The following CATSPERB variants were observed in gnomAD, a reference collection of about 807,000 sequenced individuals.
The protein encoded by CATSPERB is cation channel sperm-associated auxiliary subunit beta.
Under a neutral mutation model 128.3 loss-of-function variants are expected in CATSPERB, and 93 were observed. The observed-to-expected ratio is 0.72, with a 90% CI of 0.61 to 0.86. The LOEUF is 0.86. CATSPERB is among the 40% of genes least tolerant of loss of function. CATSPERB has a pLI of 0.00. For missense variants in CATSPERB, 1,153 were observed against 1,329.5 expected, an observed-to-expected ratio of 0.87 and a Z score of 2.06; for synonymous variants, 381 against 448.8, an observed-to-expected ratio of 0.85 and a Z score of 1.91.
intron 20 of CATSPERB, among the ~76,000 whole-genome samples, chr14:91,614,049 G>C (rs1362348773): frequency 6.6e-6 from 1 of 152,126 alleles, no homozygotes; most frequent in Non-Finnish European, 1.5e-5. Flanking sequence ...GTGTATTGTT[G>C]CTTTAAATAA....
At chr14:91,729,309 ACT>A in intron 2 of CATSPERB, 90 bp downstream of exon 2, 1 of 519,758 alleles carries the variant, frequency 1.9e-6, no homozygotes, top group East Asian at 3.3e-5. Flanking sequence ...AAGAAGAAAT[ACT>A]AAAAGAAAAA....
At chr14:91,641,503 A>C (rs919865789) in intron 15 of CATSPERB, among the ~76,000 whole-genome samples, 77 of 152,188 alleles carry the variant, frequency 5.1e-4, no homozygotes, top group African/African-American at 1.8e-3. Context: ...AGGTTTGTCA[A>C]AGATCAGATA....
intron 5 of CATSPERB, among the ~76,000 whole-genome samples, chr14:91,717,889 C>T (rs1895969169): frequency 6.6e-6 from 1 of 152,136 alleles, no homozygotes; most frequent in Non-Finnish European, 1.5e-5. Flanking sequence ...TAAACCATCC[C>T]CTCCTATTAC....
chr14:91,632,173 G>A (rs1223168630), intron 17 of CATSPERB, among the ~76,000 whole-genome samples: 1 of 152,048 alleles, frequency 6.6e-6, no homozygotes, highest in Non-Finnish European at 1.5e-5. Flanking sequence ...TTGTTAAATT[G>A]GCTAAAACCA....
chr14:91,593,864 C>A (rs1428455661), intron 22 of CATSPERB, among the ~76,000 whole-genome samples: 1 of 151,758 alleles, frequency 6.6e-6, no homozygotes, highest in African/African-American at 2.4e-5. Context: ...TCCAGAATTC[C>A]CGCATGTTGT....
chr14:91,705,362 A>G (rs111576325), intron 6 of CATSPERB, among the ~76,000 whole-genome samples: 1,728 of 152,360 alleles, frequency 0.011, 35 homozygotes, highest in African/African-American at 0.039. Flanking sequence ...AATCCAGAGT[A>G]GCAGTGGTGA....
At chr14:91,628,838 T>C (rs1894217493) in intron 17 of CATSPERB, among the ~76,000 whole-genome samples, 2 of 152,220 alleles carry the variant, frequency 1.3e-5, no homozygotes, top group South Asian at 4.1e-4. Context: ...CACATGACTA[T>C]TAGAATGGCA....
chr14:91,626,551 T>C (rs1470328932), intron 17 of CATSPERB, among the ~76,000 whole-genome samples: 3 of 151,752 alleles, frequency 2.0e-5, no homozygotes, highest in Non-Finnish European at 4.4e-5. Flanking sequence ...TGTGAGTGGG[T>C]TCCTGATAAA....
At chr14:91,674,279 G>T in intron 11 of CATSPERB, 57 bp from the exon 12 acceptor site, 1 of 1,053,582 alleles carries the variant, frequency 9.5e-7, no homozygotes, top group Non-Finnish European at 1.4e-6. Context: ...TTCTAAAACT[G>T]GAAGGGTTAG....
In CATSPERB at chr14:91,580,856, A is replaced by G; in HGVS notation, c.*33T>C. On this transcript the variant is annotated 3_prime_UTR_variant, in exon 27 of 27. Transcript: ENST00000256343. ...GTTCTAGGAATTGGCTGATAAAACT[A>G]GAAAATAAAGAGAAATTATGATCAC... is the stretch of plus-strand genomic sequence containing the variant. The G allele has an allele frequency of 6.4e-7, 1 of 1,551,270 alleles. No individual in the cohort carries two copies. The highest frequency in any genetic ancestry group is 8.9e-7 in the Non-Finnish European group (1 of 1,128,412).
At chr14:91,729,308 T>C in intron 2 of CATSPERB, 93 bp downstream of exon 2, 1 of 515,154 alleles carries the variant, frequency 1.9e-6, no homozygotes. Context: ...AAAGAAGAAA[T>C]ACTAAAAGAA....
At chr14:91,641,330 G>C (rs1894495862) in intron 15 of CATSPERB, among the ~76,000 whole-genome samples, 1 of 147,484 alleles carries the variant, frequency 6.8e-6, no homozygotes, top group Non-Finnish European at 1.5e-5. Flanking sequence ...GTCCTGAATG[G>C]TAATGCCTAG....
At chr14:91,720,006 G>A (rs1209768279) in intron 4 of CATSPERB, among the ~76,000 whole-genome samples, 2 of 152,122 alleles carry the variant, frequency 1.3e-5, no homozygotes, top group Non-Finnish European at 2.9e-5. Context: ...ATTGAGTAGC[G>A]ATTTCAGCTG....
At chr14:91,727,325 C>CA (rs940322882) in intron 2 of CATSPERB, among the ~76,000 whole-genome samples, 1 of 151,914 alleles carries the variant, frequency 6.6e-6, no homozygotes, top group African/African-American at 2.4e-5. Flanking sequence ...CAATTGTAAC[C>CA]AAAAAAATCT....
chr14:91,609,880 C>T (rs1035300266), intron 21 of CATSPERB, among the ~76,000 whole-genome samples: 8 of 152,096 alleles, frequency 5.3e-5, no homozygotes, highest in Admixed American at 2.6e-4. Context: ...GCCACCGTGC[C>T]GGGCTAATTT....
chr14:91,715,457 C>A (rs1490345507), intron 5 of CATSPERB, among the ~76,000 whole-genome samples: 1 of 146,238 alleles, frequency 6.8e-6, no homozygotes, highest in Non-Finnish European at 1.5e-5. Flanking sequence ...GAGCCTGAGG[C>A]AGGAGAATCA....
chr14:91,652,908 G>A (rs1203603911), intron 15 of CATSPERB, among the ~76,000 whole-genome samples: 3 of 152,116 alleles, frequency 2.0e-5, no homozygotes, highest in Non-Finnish European at 4.4e-5. Context: ...ACTGACATAA[G>A]TTAAACAAAA....
chr14:91,684,061 A>G (rs545997640), intron 10 of CATSPERB, 118 bp from the exon 11 acceptor site: 59 of 616,612 alleles, frequency 9.6e-5, no homozygotes, highest in East Asian at 1.8e-4. Flanking sequence ...TGAGGCAAAG[A>G]GACAAAAATT....
chr14:91,682,417 A>G (rs1288165811), intron 11 of CATSPERB, among the ~76,000 whole-genome samples: 3 of 152,176 alleles, frequency 2.0e-5, no homozygotes, highest in Admixed American at 6.6e-5. Context: ...AGCACACCTC[A>G]AGCTAACACC....
Sources: allele counts gnomAD v4.1 joint callset (sites outside exome capture counted in the v4.1 genomes callset), GRCh38; gene constraint gnomAD v4.1.1; transcripts MANE v1.5; gene names NCBI Gene and HGNC (gene_info 2026-07-23, HGNC 2026-07-21).